Variants in CAMTA1 observed in about 807,000 individuals in gnomAD.
The protein encoded by CAMTA1 is calmodulin binding transcription activator 1.
Under a neutral mutation model 170.9 loss-of-function variants are expected in CAMTA1, and 27 were observed. That is an observed-to-expected ratio of 0.16 (90% CI 0.12 to 0.22). The LOEUF (loss-of-function observed/expected upper bound fraction) is 0.22. Ranked by LOEUF, CAMTA1 falls within the 10% of genes least tolerant of loss-of-function variation. The pLI is 1.00. For synonymous variants in CAMTA1, 833 were observed against 891.5 expected, an observed-to-expected ratio of 0.93 and a Z score of 1.17; for missense variants, 1,619 against 2,217.2, an observed-to-expected ratio of 0.73 and a Z score of 5.42.
intron 4 of CAMTA1, among the ~76,000 whole-genome samples, chr1:7,217,318 T>C (rs1041051750): frequency 2.6e-5 from 4 of 152,232 alleles, no homozygotes; most frequent in African/African-American, 4.8e-5. Context: ...TCTCCAACCA[T>C]GTGGAACTGT....
chr1:7,136,480 C>A (rs1184436522), intron 4 of CAMTA1, among the ~76,000 whole-genome samples: 1 of 152,114 alleles, frequency 6.6e-6, no homozygotes, highest in Non-Finnish European at 1.5e-5. Flanking sequence ...TTCCTATCAG[C>A]GTTCCTATTG....
chr1:7,599,209 T>C (rs1433873052), intron 6 of CAMTA1, among the ~76,000 whole-genome samples: 2 of 152,216 alleles, frequency 1.3e-5, no homozygotes, highest in African/African-American at 4.8e-5. Flanking sequence ...CCTTTCCCCA[T>C]TTCTTGTTTT....
intron 3 of CAMTA1, among the ~76,000 whole-genome samples, chr1:6,871,571 G>C (rs555156987): frequency 6.7e-6 from 1 of 149,270 alleles, no homozygotes; most frequent in South Asian, 2.1e-4. Flanking sequence ...TTTAATGATT[G>C]AATGGTTAAA....
chr1:6,975,719 C>CA (rs1572155293), intron 3 of CAMTA1, among the ~76,000 whole-genome samples: 1 of 152,176 alleles, frequency 6.6e-6, no homozygotes, highest in East Asian at 1.9e-4. Flanking sequence ...AGTATACTCA[C>CA]AGAGTTGTGC....
At chr1:7,238,819 G>T (rs1040305963) in intron 4 of CAMTA1, among the ~76,000 whole-genome samples, 9 of 152,212 alleles carry the variant, frequency 5.9e-5, no homozygotes, top group African/African-American at 2.2e-4. Context: ...GGAGGTGCAA[G>T]TTGCAGTGAG....
At chr1:7,027,372 C>G (rs573839486) in intron 3 of CAMTA1, among the ~76,000 whole-genome samples, 1 of 152,158 alleles carries the variant, frequency 6.6e-6, no homozygotes, top group Admixed American at 6.5e-5. Flanking sequence ...CCTGAAAACA[C>G]GACTCCTGGG....
intron 3 of CAMTA1, among the ~76,000 whole-genome samples, chr1:6,977,530 C>T (rs555403595): frequency 5.3e-5 from 8 of 152,166 alleles, no homozygotes; most frequent in Non-Finnish European, 8.8e-5. Context: ...TTAGTACAGA[C>T]GAGGTTTCAC....
At chr1:6,835,106 T>C (rs1229222072) in intron 3 of CAMTA1, among the ~76,000 whole-genome samples, 1 of 152,208 alleles carries the variant, frequency 6.6e-6, no homozygotes, top group Admixed American at 6.5e-5. Flanking sequence ...TTTGGTGTCT[T>C]TTCAAGTTTC....
At chr1:7,683,638 A>G (rs11120999) in intron 11 of CAMTA1, among the ~76,000 whole-genome samples, 2,934 of 152,166 alleles carry the variant, frequency 0.019, 97 homozygotes, top group African/African-American at 0.067. Flanking sequence ...GCATAGCAGT[A>G]ACAGGTGACA....
At chr1:6,992,400 A>G (rs994425680) in intron 3 of CAMTA1, among the ~76,000 whole-genome samples, 2 of 152,150 alleles carry the variant, frequency 1.3e-5, no homozygotes, top group South Asian at 4.1e-4. Flanking sequence ...TCCCTTTCTG[A>G]TTATTTCTTT....
intron 7 of CAMTA1, among the ~76,000 whole-genome samples, chr1:7,655,558 A>G (rs1211355881): frequency 6.6e-6 from 1 of 150,438 alleles, no homozygotes; most frequent in Non-Finnish European, 1.5e-5. Flanking sequence ...ACACCTATAC[A>G]CACAAACACA....
chr1:6,928,048 A>G (rs1683667163), intron 3 of CAMTA1, among the ~76,000 whole-genome samples: 1 of 152,160 alleles, frequency 6.6e-6, no homozygotes, highest in Admixed American at 6.5e-5. Flanking sequence ...GCTCCCCTGC[A>G]TCCTGTTCTC....
intron 3 of CAMTA1, among the ~76,000 whole-genome samples, chr1:6,825,671 G>T (rs1384493204): frequency 6.6e-6 from 1 of 152,190 alleles, no homozygotes; most frequent in African/African-American, 2.4e-5. Context: ...TTCTAATGAA[G>T]AAAGTTTGCT....
chr1:7,232,279 G>GC (rs147846245), intron 4 of CAMTA1, among the ~76,000 whole-genome samples: 152,241 of 152,244 alleles, frequency 1, 76,119 homozygotes, highest in Middle Eastern at 1. Context: ...GTGTGGCTGT[G>GC]CTGCACACGG....
rs115968711 is a variant in CAMTA1, at chr1:6,913,678, G to T, written c.234+88468G>T. ...TTCAGCACAAACTGTGCTGTGCCAG[G>T]CCCTGTGCTCAGTTCCAGAGATGGT... On this transcript the variant is annotated intron_variant, in intron 3 of 22. Coordinates refer to ENST00000303635, the MANE Select transcript of CAMTA1 (RefSeq NM_015215.4). 2.1e-3 allele frequency among the ~76,000 whole-genome samples: 323 copies of T among 152,150 alleles called. 1 individual carries two copies. Among genetic ancestry groups the T allele is most frequent in the African/African-American group, 7.1e-3 (295 of 41,500 alleles).
chr1:7,380,128 C>T (rs1396010086), intron 5 of CAMTA1, among the ~76,000 whole-genome samples: 1 of 152,204 alleles, frequency 6.6e-6, no homozygotes, highest in African/African-American at 2.4e-5. Context: ...CAAATCCAGA[C>T]ATCATATGTT....
intron 5 of CAMTA1, among the ~76,000 whole-genome samples, chr1:7,428,113 G>A (rs1031570932): frequency 6.6e-6 from 1 of 152,136 alleles, no homozygotes; most frequent in Non-Finnish European, 1.5e-5. Flanking sequence ...GCACGCAGAA[G>A]TGCTATCTGG....
rs1324035285 is a variant in CAMTA1, at chr1:7,635,734, C to T, written c.511-4666C>T. 1.3e-5 allele frequency among the ~76,000 whole-genome samples: 2 copies of T among 152,150 alleles called. No homozygotes were observed. Among genetic ancestry groups the T allele is most frequent in the Non-Finnish European group, 2.9e-5 (2 of 68,034 alleles). ...TGAGCTGGTCCACCTGAGCCCATCT[C>T]GCCACCAGCAAAGCAGCTCAGCAAG... is the stretch of plus-strand genomic sequence containing the variant. On this transcript the variant is annotated intron_variant, in intron 6 of 22. Transcript: ENST00000303635. This position sits in a 1 kb window ranked among gnomAD's most constrained non-coding sequence, Gnocchi z 4.4.
chr1:7,249,521 C>G lies in CAMTA1; in HGVS notation c.333C>G (p.Asn111Lys). The change falls in exon 5 of 23, where the codon AAC becomes AAG. Residue 111 changes from asparagine to lysine, a missense_variant. Asn to Lys is a moderately conservative substitution (Grantham distance 94). This residue lies in a region of CAMTA1 where 97 missense variants were observed against 225.4 expected (regional missense o/e 0.43). Transcript: ENST00000303635. This position sits in a 1 kb window ranked among gnomAD's most constrained non-coding sequence, Gnocchi z 4.4. ...AGAATGGCTCAATGATACTCTACAA[C>G]AGGAAGAAAGTGAAATACAGGAAAG... ...RPQNGSMILY[N>K]RKKVKYRKDG... The G allele has an allele frequency of 6.2e-7, 1 of 1,613,896 alleles. No homozygotes were observed. The highest frequency in any genetic ancestry group is 8.5e-7 in the Non-Finnish European group (1 of 1,179,948).
Sources: gnomAD v4.1 joint callset for allele counts (sites outside exome capture counted in the v4.1 genomes callset) on GRCh38, gnomAD v4.1.1 for gene constraint, gnomAD v4.1.1 regional missense constraint, Gnocchi (gnomAD v3.1) non-coding constraint, MANE v1.5 for transcripts, NCBI Gene and HGNC (gene_info 2026-07-23, HGNC 2026-07-21) for gene names.